The following ACYP1 variants were observed in gnomAD, a reference collection of about 807,000 sequenced individuals.
ACYP1 encodes acylphosphatase-1.
A neutral mutation model predicts 10.4 loss-of-function variants in ACYP1; 8 were observed. The observed-to-expected ratio is 0.77, with a 90% CI of 0.45 to 1.38. The LOEUF is 1.38. Ranked by LOEUF, ACYP1 falls within the 40% of genes most tolerant of loss-of-function variation. The pLI, the probability that ACYP1 is intolerant of heterozygous loss-of-function variation, is 0.00. For synonymous variants in ACYP1, 38 were observed against 40.8 expected, an observed-to-expected ratio of 0.93 and a Z score of 0.26; for missense variants, 93 against 117.3, an observed-to-expected ratio of 0.79 and a Z score of 0.96.
At chr14:75,069,296 C>T in exon 1 of ACYP1, 1 of 1,432,304 alleles carries the variant, frequency 7.0e-7, no homozygotes, top group South Asian at 1.5e-5. Context: ...CGGCATCCTG[C>T]GGCGGAAGCA....
intron 2 of ACYP1, among the ~76,000 whole-genome samples, chr14:75,062,313 C>T (rs190602759): frequency 1.5e-3 from 224 of 150,022 alleles, no homozygotes; most frequent in African/African-American, 5.2e-3. Flanking sequence ...CACCTGTGGT[C>T]CCAGCTACTT....
At chr14:75,060,212 T>C (rs770050872) in intron 2 of ACYP1, 14 of 680,766 alleles carry the variant, frequency 2.1e-5, no homozygotes, top group Non-Finnish European at 3.5e-5. Context: ...TTAGTTCCAC[T>C]GTAGTTGGAG....
intron 2 of ACYP1, 35 bp downstream of exon 2, chr14:75,063,435 C>T: frequency 6.3e-7 from 1 of 1,576,418 alleles, no homozygotes; most frequent in Non-Finnish European, 8.7e-7. Flanking sequence ...TGCCCACAAC[C>T]TAGGTTACCA....
In ACYP1 at chr14:75,053,378, T is replaced by A; in HGVS notation, c.*66A>T. 5.1e-6 allele frequency: 7 copies of A among 1,382,386 alleles called. No homozygotes were observed. Among genetic ancestry groups the A allele is most frequent in the Non-Finnish European group, 7.2e-6 (7 of 974,794 alleles). The allele number at this position is 1,382,386 out of a possible 1,614,324, so 85.6% of individuals were successfully genotyped here. ...TAATGCTAATATTAACACACAATAG[T>A]TCTATCTCTATTAATAATAAAAACC... On this transcript the variant is annotated 3_prime_UTR_variant, in exon 3 of 3. Transcript: ENST00000238618.
chr14:75,067,651 T>G (rs149976664), upstream of ACYP1, among the ~76,000 whole-genome samples: 1 of 152,246 alleles, frequency 6.6e-6, no homozygotes, highest in African/African-American at 2.4e-5. Context: ...GTTGAGTATA[T>G]GTTAAAACCA....
At chr14:75,062,120 A>AAAAAAAAAAAAAAAAAAG (rs1566620216) in intron 2 of ACYP1, among the ~76,000 whole-genome samples, 30 of 147,930 alleles carry the variant, frequency 2.0e-4, no homozygotes, top group African/African-American at 7.6e-4. Flanking sequence ...AAAAAAAAAA[A>AAAAAAAAAAAAAAAAAAG]AAAAGAAAAG....
At chr14:75,068,712 T>TAAA (rs759409132), upstream of ACYP1, among the ~76,000 whole-genome samples, 1 of 138,390 alleles carries the variant, frequency 7.2e-6, no homozygotes, top group East Asian at 2.1e-4. Flanking sequence ...AACGAGGAAT[T>TAAA]AAAAAAAAAA....
intron 1 of ACYP1, 80 bp downstream of exon 1, chr14:75,063,874 A>G (rs1388991600): frequency 1.0e-6 from 1 of 970,556 alleles, no homozygotes; most frequent in East Asian, 7.2e-5. Flanking sequence ...CCCTGCTACT[A>G]ACTCCCAGAA....
At chr14:75,069,223 A>C in exon 1 of ACYP1, 1 of 1,509,700 alleles carries the variant, frequency 6.6e-7, no homozygotes, top group Non-Finnish European at 8.8e-7. Context: ...GGGCCCGCCC[A>C]GCGCAGCCGA....
chr14:75,068,064 C>G (rs181058215), upstream of ACYP1, among the ~76,000 whole-genome samples: 9 of 151,670 alleles, frequency 5.9e-5, no homozygotes, highest in Admixed American at 1.3e-4. Context: ...CTGAGACAGG[C>G]GGATCACCTG....
intron 1 of ACYP1, chr14:75,069,144 A>G: frequency 6.9e-7 from 1 of 1,448,206 alleles, no homozygotes; most frequent in Non-Finnish European, 9.2e-7. Context: ...TGCGTAGCAA[A>G]AACGTTGGCA....
chr14:75,060,228 T>C lies in ACYP1; in HGVS notation c.84+3242A>G, dbSNP rs539376054. 4.4e-6 allele frequency: 3 copies of C among 687,762 alleles called. No homozygotes were observed. In the African/African-American group the frequency reaches 5.3e-5, roughly 12 times the overall value. The allele number at this position is 687,762 out of a possible 1,614,324, so 42.6% of individuals were successfully genotyped here. A position where few individuals can be genotyped will look rare whatever the true frequency, so the allele number is the denominator to read the frequency against. On this transcript the variant is annotated intron_variant, in intron 2 of 2. Transcript: ENST00000238618. ...TAGTTCCACTGTAGTTGGAGAACATTCCTTGATTTAAATCCTTTTAAATTC... is the reference window on the plus strand; with the variant it reads ...TAGTTCCACTGTAGTTGGAGAACATCCCTTGATTTAAATCCTTTTAAATTC...
Position 75,053,353 on chromosome 14 carries a change from T to C in ACYP1, c.*91A>G. The stretch of plus-strand genomic sequence containing the variant: ...TCTGACATTAAAATAACTTATTGAC[T>C]AATGCTAATATTAACACACAATAGT... On this transcript the variant is annotated 3_prime_UTR_variant, in exon 3 of 3. Coordinates refer to ENST00000238618, the MANE Select transcript of ACYP1 (RefSeq NM_001107.5). 1 of 1,140,628 alleles carries C rather than the reference T, an allele frequency of 8.8e-7. No individual in the cohort carries two copies. Among genetic ancestry groups the C allele is most frequent in the Non-Finnish European group, 1.3e-6 (1 of 772,792 alleles). The allele number at this position is 1,140,628 out of a possible 1,614,324, so 70.7% of individuals were successfully genotyped here. A position where few individuals can be genotyped will look rare whatever the true frequency, so the allele number is the denominator to read the frequency against.
At position 75,054,339 on chromosome 14, in the gene ACYP1, C is replaced by CT. The variant is rs774493829; in HGVS notation, c.85-681dup. Among the ~76,000 whole-genome samples the CT allele has an allele frequency of 4.6e-5, 7 of 151,780 alleles. No individual in the cohort carries two copies. In the East Asian group the frequency reaches 1.3e-3, roughly 29 times the overall value. On this transcript the variant is annotated intron_variant, in intron 2 of 2. Transcript: ENST00000238618. The stretch of plus-strand genomic sequence containing the variant: ...ACATAACTATCAGGTTTTCACTTCA[C>CT]TTTCTTCTCTTCTGTCTAAATAATC...
chr14:75,069,348 G>A, exon 1 of ACYP1: 1 of 1,314,610 alleles, frequency 7.6e-7, no homozygotes, highest in South Asian at 1.6e-5. Flanking sequence ...GCCAGACAAG[G>A]GCACACCCCA....
upstream of ACYP1, among the ~76,000 whole-genome samples, chr14:75,066,788 G>A (rs1451741798): frequency 1.3e-5 from 2 of 152,140 alleles, no homozygotes; most frequent in Admixed American, 1.3e-4. Context: ...AGAGGCAGAG[G>A]TTGCAGTGAG....
intron 2 of ACYP1, among the ~76,000 whole-genome samples, chr14:75,062,101 C>CAAAAAAAAAAAAAAAAAAAAAAAAAA (rs35401825): frequency 2.0e-4 from 12 of 59,742 alleles, no homozygotes; most frequent in African/African-American, 6.0e-4. Flanking sequence ...AACTCTGTCT[C>CAAAAAAAAAAAAAAAAAAAAAAAAAA]AAAAAAAAAA....
At position 75,053,297 on chromosome 14, in the gene ACYP1, C is replaced by A; in HGVS notation, c.*147G>T. The A allele has an allele frequency of 1.4e-6, 1 of 697,806 alleles. No individual in the cohort carries two copies. The highest frequency in any genetic ancestry group is 2.4e-6 in the Non-Finnish European group (1 of 415,604). The allele number at this position is 697,806 out of a possible 1,614,324, so 43.2% of individuals were successfully genotyped here. A position where few individuals can be genotyped will look rare whatever the true frequency, so the allele number is the denominator to read the frequency against. On this transcript the variant is annotated 3_prime_UTR_variant, in exon 3 of 3. Coordinates refer to ENST00000238618, the MANE Select transcript of ACYP1 (RefSeq NM_001107.5). Reference sequence around the variant, plus strand: ...TTGTGTACAGTGGTAATCCTTCCATCATACAGGTAATATATAATAACATTC... The same window carrying A: ...TTGTGTACAGTGGTAATCCTTCCATAATACAGGTAATATATAATAACATTC...
At chr14:75,069,255 G>A (rs1188465208) in exon 1 of ACYP1, 4 of 1,486,420 alleles carry the variant, frequency 2.7e-6, no homozygotes, top group Non-Finnish European at 3.5e-6. Flanking sequence ...AAGGCCAGCA[G>A]CAGCCCCGCT....
Sources: gnomAD v4.1 joint callset for allele counts (sites outside exome capture counted in the v4.1 genomes callset) on GRCh38, gnomAD v4.1.1 for gene constraint, MANE v1.5 for transcripts, NCBI Gene and HGNC (gene_info 2026-07-23, HGNC 2026-07-21) for gene names.